Variants in XKR9 observed in about 807,000 individuals in gnomAD.
The protein encoded by XKR9 is XK related 9.
In XKR9, 32 loss-of-function variants were observed where a neutral mutation model predicts 32.0. The ratio of observed to expected loss-of-function variants is 1.00; its 90% CI spans 0.76 to 1.34. The LOEUF (loss-of-function observed/expected upper bound fraction) is 1.34, where lower values mean the gene tolerates loss of function less well. Among genes scored for constraint, XKR9 ranks in the 40% most tolerant of loss-of-function variants. The pLI, the probability that XKR9 is intolerant of heterozygous loss-of-function variation, is 0.00. For missense variants in XKR9, 546 were observed against 429.7 expected (o/e 1.27, Z -2.39); for synonymous variants, 168 against 143.4 (o/e 1.17, Z -1.22).
chr8:70,890,933 T>G, the XKR9 span, among the ~76,000 whole-genome samples: 3,228 of 152,066 alleles, frequency 0.021, 96 homozygotes, highest in African/African-American at 0.075. Context: ...TTGGCTTTTC[T>G]TTGTTGGGAG....
intron 4 of XKR9, among the ~76,000 whole-genome samples, chr8:70,717,194 T>C (rs916621908): frequency 1.6e-4 from 25 of 152,194 alleles, no homozygotes; most frequent in African/African-American, 4.8e-5. Flanking sequence ...AGGTGCACTG[T>C]GCAAGCTGTT....
intron 2 of XKR9, among the ~76,000 whole-genome samples, chr8:70,769,792 T>C (rs1354931958): frequency 6.6e-6 from 1 of 152,012 alleles, no homozygotes; most frequent in Non-Finnish European, 1.5e-5. Context: ...CTTCATCAGG[T>C]CATTTATGTT....
chr8:70,977,327 A>G, the XKR9 span, among the ~76,000 whole-genome samples: 1 of 151,760 alleles, frequency 6.6e-6, no homozygotes, highest in Non-Finnish European at 1.5e-5. Context: ...TTTAATTGTG[A>G]TGTTAGGGTG....
intron 2 of XKR9, among the ~76,000 whole-genome samples, chr8:70,777,316 A>G (rs1563477356): frequency 6.6e-6 from 1 of 152,078 alleles, no homozygotes; most frequent in Non-Finnish European, 1.5e-5. Flanking sequence ...GTAGTATTCC[A>G]TGGTGTATAT....
At chr8:70,981,262 T>C in the XKR9 span, among the ~76,000 whole-genome samples, 2 of 152,210 alleles carry the variant, frequency 1.3e-5, no homozygotes, top group Non-Finnish European at 2.9e-5. Context: ...CTTTTCTTTC[T>C]CAGGAACACC....
At chr8:70,848,725 T>C in the XKR9 span, among the ~76,000 whole-genome samples, 1 of 86,114 alleles carries the variant, frequency 1.2e-5, no homozygotes, top group Non-Finnish European at 2.3e-5. Flanking sequence ...AGGCTCAAAA[T>C]AAAGGGATGG....
the XKR9 span, among the ~76,000 whole-genome samples, chr8:70,872,282 G>A: frequency 6.6e-6 from 1 of 152,280 alleles, no homozygotes; most frequent in East Asian, 1.9e-4. Flanking sequence ...ATTCCCTTAA[G>A]CCAAAGCCCA....
chr8:70,916,089 G>T, the XKR9 span, among the ~76,000 whole-genome samples: 1 of 152,088 alleles, frequency 6.6e-6, no homozygotes, highest in African/African-American at 2.4e-5. Flanking sequence ...AGAGAAACTT[G>T]ATCTCAGGCC....
the XKR9 span, among the ~76,000 whole-genome samples, chr8:70,893,014 A>G: frequency 6.6e-6 from 1 of 151,414 alleles, no homozygotes; most frequent in South Asian, 2.1e-4. Context: ...AGTCTTGTAG[A>G]TTTTCTTCAT....
At chr8:70,837,977 A>AC in the XKR9 span, among the ~76,000 whole-genome samples, 5 of 152,108 alleles carry the variant, frequency 3.3e-5, no homozygotes, top group Admixed American at 6.6e-5. Flanking sequence ...ATCTCTTTCT[A>AC]CTTAAGGCTT....
chr8:70,721,858 G>T (rs990189264), intron 4 of XKR9, among the ~76,000 whole-genome samples: 1 of 152,110 alleles, frequency 6.6e-6, no homozygotes, highest in Non-Finnish European at 1.5e-5. Context: ...GAATATCCTT[G>T]TTAATTTTCT....
At chr8:70,670,080 T>C (rs1818657500) in intron 1 of XKR9, among the ~76,000 whole-genome samples, 1 of 152,144 alleles carries the variant, frequency 6.6e-6, no homozygotes, top group South Asian at 2.1e-4. Flanking sequence ...CTCAGAACAT[T>C]ATTAAGAGGT....
intron 4 of XKR9, among the ~76,000 whole-genome samples, chr8:70,721,314 T>G (rs1340399167): frequency 6.6e-6 from 1 of 152,196 alleles, no homozygotes; most frequent in Non-Finnish European, 1.5e-5. Flanking sequence ...AGTTCTGCTC[T>G]GAGCTTAGTT....
At chr8:71,013,904 G>A in the XKR9 span, among the ~76,000 whole-genome samples, 1 of 152,110 alleles carries the variant, frequency 6.6e-6, no homozygotes, top group African/African-American at 2.4e-5. Flanking sequence ...TGCCTCATGT[G>A]TGTAGTCAAA....
the XKR9 span, among the ~76,000 whole-genome samples, chr8:70,981,064 C>G: frequency 6.6e-6 from 1 of 152,120 alleles, no homozygotes; most frequent in Non-Finnish European, 1.5e-5. Flanking sequence ...CCTGACAGCT[C>G]TTAAGATTTT....
chr8:70,691,728 A>G lies in XKR9; in HGVS notation c.272+10398A>G, dbSNP rs183961974. Among the ~76,000 whole-genome samples the G allele has an allele frequency of 1.9e-4, 29 of 152,154 alleles. No homozygotes were observed. The East Asian group carries it at 4.4e-3, about 23-fold the overall frequency. On this transcript the variant is annotated intron_variant, in intron 3 of 4. Transcript: ENST00000408926. ...TGTCAACGATCAGATAGTCAAAGAT[A>G]TGTGGCCTTATTTTGGGCTCATTAT...
the XKR9 span, among the ~76,000 whole-genome samples, chr8:71,031,897 A>G: frequency 6.6e-6 from 1 of 152,204 alleles, no homozygotes; most frequent in Admixed American, 6.5e-5. Flanking sequence ...TGTACAGTCC[A>G]CTGGCATTTG....
chr8:71,059,722 A>T, the XKR9 span, among the ~76,000 whole-genome samples: 1 of 152,082 alleles, frequency 6.6e-6, no homozygotes, highest in Non-Finnish European at 1.5e-5. Flanking sequence ...GGGATCACTT[A>T]TCATAGAAGT....
At chr8:71,019,577 C>T in the XKR9 span, among the ~76,000 whole-genome samples, 55 of 152,268 alleles carry the variant, frequency 3.6e-4, 1 homozygote, top group African/African-American at 1.2e-3. Context: ...TAGGAGAACA[C>T]AGGTTGGTCT....
Sources: allele counts gnomAD v4.1 joint callset (sites outside exome capture counted in the v4.1 genomes callset), GRCh38; gene constraint gnomAD v4.1.1; transcripts MANE v1.5; gene names NCBI Gene and HGNC (gene_info 2026-07-23, HGNC 2026-07-21).